Variants in SETBP1 observed in about 807,000 individuals in gnomAD.
The protein encoded by SETBP1 is SET binding protein 1, also known as SET-binding protein.
SETBP1 carries 9 observed loss-of-function variants against 101.0 expected under a neutral mutation model. The ratio of observed to expected loss-of-function variants is 0.09; its 90% CI spans 0.05 to 0.16. The LOEUF (loss-of-function observed/expected upper bound fraction) is 0.16, where lower values mean the gene tolerates loss of function less well. SETBP1 is among the 10% of genes least tolerant of loss of function. The pLI is 1.00. For synonymous variants in SETBP1, 818 were observed against 788.5 expected, an observed-to-expected ratio of 1.04 and a Z score of -0.63; for missense variants, 1,858 against 2,033.8, an observed-to-expected ratio of 0.91 and a Z score of 1.66.
At chr18:45,002,043 G>T (rs1475386388) in intron 4 of SETBP1, among the ~76,000 whole-genome samples, 1 of 152,122 alleles carries the variant, frequency 6.6e-6, no homozygotes, top group Non-Finnish European at 1.5e-5. Context: ...AGTCTGGAAA[G>T]CTCCTTCAGA....
intron 3 of SETBP1, among the ~76,000 whole-genome samples, chr18:44,942,168 C>G (rs2071102164): frequency 6.6e-6 from 1 of 152,108 alleles, no homozygotes; most frequent in African/African-American, 2.4e-5. Context: ...TATTCTAGAG[C>G]TGGAATAATT....
chr18:44,718,665 G>A (rs1665876672), intron 2 of SETBP1, among the ~76,000 whole-genome samples: 1 of 152,130 alleles, frequency 6.6e-6, no homozygotes, highest in Non-Finnish European at 1.5e-5. Context: ...ATGTAAGTGG[G>A]TATTGTCCCT....
At chr18:44,766,554 G>A (rs926195174) in intron 2 of SETBP1, among the ~76,000 whole-genome samples, 5 of 152,082 alleles carry the variant, frequency 3.3e-5, no homozygotes. Context: ...GGGAAGGAGG[G>A]GTTCTTCTTT....
intron 4 of SETBP1, among the ~76,000 whole-genome samples, chr18:45,037,019 C>A (rs1196231032): frequency 6.6e-6 from 1 of 152,230 alleles, no homozygotes; most frequent in Admixed American, 6.5e-5. Context: ...ATCCACACTA[C>A]ATGCTTCACA....
chr18:44,868,714 GGA>G lies in SETBP1; in HGVS notation c.487-515_487-514del, dbSNP rs1568190582. On this transcript the variant is annotated intron_variant, in intron 2 of 5. Coordinates refer to ENST00000649279, the MANE Select transcript of SETBP1 (RefSeq NM_015559.3). The stretch of plus-strand genomic sequence containing the variant: ...AGAGAGAGAGGACGGAAGGAAGGGA[GGA>G]AGGAAGGAAGGAAGGAAGGAAGGAA... Among the ~76,000 whole-genome samples the G allele has an allele frequency of 9.3e-3, 40 of 4,280 alleles. 2 individuals are homozygous for G. The highest frequency in any genetic ancestry group is 0.061 in the East Asian group (16 of 262). The allele number at this position is 4,280 out of a possible 152,430, so 2.8% of individuals were successfully genotyped here.
At chr18:44,734,857 G>T (rs1457661710) in intron 2 of SETBP1, among the ~76,000 whole-genome samples, 1 of 152,056 alleles carries the variant, frequency 6.6e-6, no homozygotes, top group Non-Finnish European at 1.5e-5. Context: ...AATTATCTTG[G>T]GGATAAAGGG....
At chr18:44,876,051 T>C (rs1333599253) in intron 3 of SETBP1, among the ~76,000 whole-genome samples, 2 of 152,188 alleles carry the variant, frequency 1.3e-5, no homozygotes, top group South Asian at 2.1e-4. Context: ...ATCTGAGTAA[T>C]AGAGGGAATT....
intron 3 of SETBP1, among the ~76,000 whole-genome samples, chr18:44,878,401 A>G (rs995111797): frequency 6.6e-6 from 1 of 151,802 alleles, no homozygotes; most frequent in African/African-American, 2.4e-5. Context: ...CTTCTCCTGT[A>G]ATTCTGCTCA....
intron 4 of SETBP1, among the ~76,000 whole-genome samples, chr18:44,966,244 A>T (rs2071718396): frequency 6.6e-6 from 1 of 152,298 alleles, no homozygotes; most frequent in African/African-American, 2.4e-5. Flanking sequence ...TGCTGGTCTC[A>T]CCTTGTTTCC....
chr18:44,913,708 G>T (rs768627754), intron 3 of SETBP1, among the ~76,000 whole-genome samples: 1 of 152,224 alleles, frequency 6.6e-6, no homozygotes, highest in Non-Finnish European at 1.5e-5. Context: ...GTAGTGAGAA[G>T]TGTGTTCATC....
chr18:44,949,143 A>T (rs2071277263), intron 3 of SETBP1, among the ~76,000 whole-genome samples: 1 of 152,196 alleles, frequency 6.6e-6, no homozygotes, highest in Non-Finnish European at 1.5e-5. Flanking sequence ...GTCCACAAGG[A>T]TTTGAAGGCT....
rs527792714 is a variant in SETBP1, at chr18:44,880,883, G to A, written c.540+11600G>A. ...GTTTGAGAATGACATTTCAACATGAGATCTGGGTGGGGACAAATATCCAAA... is the reference window on the plus strand; with the variant it reads ...GTTTGAGAATGACATTTCAACATGAAATCTGGGTGGGGACAAATATCCAAA... On this transcript the variant is annotated intron_variant, in intron 3 of 5. Transcript: ENST00000649279. 5.3e-5 allele frequency among the ~76,000 whole-genome samples: 8 copies of A among 152,294 alleles called. No individual in the cohort carries two copies. In the East Asian group the frequency reaches 1.5e-3, roughly 29 times the overall value.
chr18:44,695,259 A>G (rs2068995744), intron 1 of SETBP1, among the ~76,000 whole-genome samples: 2 of 152,210 alleles, frequency 1.3e-5, no homozygotes, highest in African/African-American at 4.8e-5. Context: ...GGAAGAAATT[A>G]CCAAAGGAAT....
intron 3 of SETBP1, among the ~76,000 whole-genome samples, chr18:44,897,578 G>A (rs2069936236): frequency 6.6e-6 from 1 of 152,146 alleles, no homozygotes; most frequent in South Asian, 2.1e-4. Context: ...CCAGTTTATA[G>A]CATTAATTGA....
At chr18:44,798,862 T>G (rs897113212) in intron 2 of SETBP1, among the ~76,000 whole-genome samples, 3 of 152,196 alleles carry the variant, frequency 2.0e-5, no homozygotes, top group Non-Finnish European at 2.9e-5. Context: ...ACAAACATTA[T>G]GTAGAGGTAA....
chr18:44,988,616 A>G (rs1206755672), intron 4 of SETBP1: 1 of 152,156 alleles, frequency 6.6e-6, no homozygotes, highest in Non-Finnish European at 1.5e-5. Flanking sequence ...CTATCTGCCT[A>G]TTTCTGGATG....
chr18:44,808,166 T>C (rs991104659), intron 2 of SETBP1, among the ~76,000 whole-genome samples: 5 of 152,216 alleles, frequency 3.3e-5, no homozygotes, highest in African/African-American at 1.2e-4. Flanking sequence ...TAACTTCCTG[T>C]GCTTCCCTTT....
In SETBP1 at chr18:45,063,070, C is replaced by A. The variant is rs779929414; in HGVS notation, c.4172-9C>A. The A allele has an allele frequency of 8.1e-6, 13 of 1,613,748 alleles. No individual in the cohort carries two copies. In the Admixed American group the frequency reaches 2.2e-4, roughly 27 times the overall value. The stretch of plus-strand genomic sequence containing the variant: ...TGTGCTCAATTTCTTATCTCTTCCC[C>A]TCCCGCAGTCGGCTCCTCCCTGAAG... On this transcript the variant is annotated splice_polypyrimidine_tract_variant and intron_variant, in intron 5 of 5. Coordinates refer to ENST00000649279, the MANE Select transcript of SETBP1 (RefSeq NM_015559.3).
chr18:45,020,682 G>C (rs2073041874), intron 4 of SETBP1, among the ~76,000 whole-genome samples: 1 of 152,154 alleles, frequency 6.6e-6, no homozygotes, highest in Admixed American at 6.5e-5. Flanking sequence ...AAAGATAAGT[G>C]AGTCTGGAAA....
Sources: allele counts gnomAD v4.1 joint callset (sites outside exome capture counted in the v4.1 genomes callset), GRCh38; gene constraint gnomAD v4.1.1; transcripts MANE v1.5; gene names NCBI Gene and HGNC (gene_info 2026-07-23, HGNC 2026-07-21).